CA5A: variants seen among roughly 807,000 people sequenced by gnomAD.
The protein encoded by CA5A is carbonic anhydrase 5A.
CA5A carries 28 observed loss-of-function variants against 37.1 expected under a neutral mutation model. The ratio of observed to expected loss-of-function variants is 0.75; its 90% CI spans 0.56 to 1.03. The LOEUF (loss-of-function observed/expected upper bound fraction) is 1.03. Among genes scored for constraint, CA5A ranks in the 50% least tolerant of loss-of-function variants. The probability of loss-of-function intolerance (pLI) is 0.00; values close to 1 mark genes in which losing one functional copy is unlikely to be tolerated. For synonymous variants in CA5A, 171 were observed against 158.4 expected (o/e 1.08, Z -0.60); for missense variants, 444 against 399.9 (o/e 1.11, Z -0.94).
At chr16:87,912,447 A>AAT (rs1343833996) in intron 2 of CA5A, among the ~76,000 whole-genome samples, 1 of 152,246 alleles carries the variant, frequency 6.6e-6, no homozygotes, top group Non-Finnish European at 1.5e-5. Flanking sequence ...TCGAAAGATA[A>AAT]ATATGTCTTA....
At chr16:87,931,647 C>A (rs1199173412) in intron 1 of CA5A, among the ~76,000 whole-genome samples, 1 of 152,204 alleles carries the variant, frequency 6.6e-6, no homozygotes, top group African/African-American at 2.4e-5. Flanking sequence ...TGCCTTCCCA[C>A]GCATGATAGA....
chr16:87,931,484 G>C (rs796341915), intron 1 of CA5A, among the ~76,000 whole-genome samples: 1 of 152,190 alleles, frequency 6.6e-6, no homozygotes, highest in African/African-American at 2.4e-5. Context: ...AACCCTGGCG[G>C]CTCTCCCCAC....
rs1174654994 is a variant in CA5A at position 87,928,771 on chromosome 16, T to G, written c.143-1826A>C. ...ATTTTCTTTTCTTTGTTTTTTTTTTTTTTTTTTTTTTTTTTGAGACGGAGT... is the reference window on the plus strand; with the variant it reads ...ATTTTCTTTTCTTTGTTTTTTTTTTGTTTTTTTTTTTTTTTGAGACGGAGT... On this transcript the variant is annotated intron_variant, in intron 1 of 6. Coordinates refer to ENST00000649794, the MANE Select transcript of CA5A (RefSeq NM_001739.2). 4.5e-5 allele frequency among the ~76,000 whole-genome samples: 6 copies of G among 134,616 alleles called. No individual in the cohort carries two copies. The South Asian group carries it at 1.3e-3, about 29-fold the overall frequency. 88.3% of individuals were successfully genotyped at this position (134,616 alleles called of 152,430 possible). A position where few individuals can be genotyped will look rare whatever the true frequency, so the allele number is the denominator to read the frequency against.
chr16:87,929,658 G>A (rs1268178442), intron 1 of CA5A, among the ~76,000 whole-genome samples: 3 of 151,616 alleles, frequency 2.0e-5, no homozygotes, highest in South Asian at 2.1e-4. Context: ...GGATCACGAG[G>A]TCAGGAGATC....
At chr16:87,907,263 A>G (rs1597561241) in intron 2 of CA5A, among the ~76,000 whole-genome samples, 1 of 152,098 alleles carries the variant, frequency 6.6e-6, no homozygotes, top group Non-Finnish European at 1.5e-5. Context: ...CCTCCAAAAC[A>G]CAATCTAAGG....
chr16:87,924,375 T>C (rs890112344), intron 2 of CA5A: 1 of 949,432 alleles, frequency 1.1e-6, no homozygotes, highest in Non-Finnish European at 1.3e-6. Context: ...GACCAAGCCG[T>C]GGTGTTTGCG....
intron 5 of CA5A, among the ~76,000 whole-genome samples, chr16:87,896,744 G>A (rs1451884902): frequency 2.0e-5 from 3 of 152,196 alleles, no homozygotes; most frequent in South Asian, 2.1e-4. Context: ...AGGTTCAAGC[G>A]ATTCTCCTGC....
At chr16:87,891,580 C>T (rs1319543150) in intron 6 of CA5A, among the ~76,000 whole-genome samples, 1 of 152,192 alleles carries the variant, frequency 6.6e-6, no homozygotes. Context: ...TAGATTAGGG[C>T]GTTGCTCAGG....
chr16:87,928,672 T>A (rs1292930352), intron 1 of CA5A, among the ~76,000 whole-genome samples: 5 of 152,036 alleles, frequency 3.3e-5, no homozygotes, highest in African/African-American at 1.2e-4. Context: ...GATATTTAGG[T>A]TATTTCCAAC....
rs904564761 is a variant in CA5A at position 87,936,504 on chromosome 16, C to A, written c.-54G>T. 11 of 1,605,004 alleles carry A rather than the reference C, an allele frequency of 6.9e-6. No individual in the cohort carries two copies. Among genetic ancestry groups the A allele is most frequent in the Non-Finnish European group, 9.4e-6 (11 of 1,176,020 alleles). ...TGAAGAGGGTGATGTTCCCTGCTGT[C>A]TGTTCTCACTTTGATCAGGACCACT... On this transcript the variant is annotated 5_prime_UTR_variant, in exon 1 of 7. Coordinates refer to ENST00000649794, the MANE Select transcript of CA5A (RefSeq NM_001739.2).
intron 2 of CA5A, among the ~76,000 whole-genome samples, chr16:87,909,245 G>A (rs1042630191): frequency 2.6e-5 from 4 of 152,146 alleles, no homozygotes; most frequent in East Asian, 1.9e-4. Context: ...GGGGAACCAT[G>A]GGGCCCTCGG....
downstream of CA5A, chr16:87,887,911 G>A (rs1223831953): frequency 1.3e-5 from 7 of 557,150 alleles, no homozygotes; most frequent in Middle Eastern, 5.1e-4. Context: ...CTGCACTTGC[G>A]TTGGGTGCCA....
At chr16:87,886,046 C>A (rs1371078233), downstream of CA5A, 3 of 151,896 alleles carry the variant, frequency 2.0e-5, no homozygotes, top group Admixed American at 6.6e-5. Context: ...AGTGGTAGCT[C>A]TCTTTCCTCC....
chr16:87,907,180 T>A (rs1432653652), intron 2 of CA5A, among the ~76,000 whole-genome samples: 1 of 152,072 alleles, frequency 6.6e-6, no homozygotes, highest in East Asian at 1.9e-4. Flanking sequence ...ATTGCGCCAA[T>A]GCACTTCAGC....
At chr16:87,903,147 C>T (rs1332626959) in intron 3 of CA5A, among the ~76,000 whole-genome samples, 1 of 151,470 alleles carries the variant, frequency 6.6e-6, no homozygotes, top group African/African-American at 2.4e-5. Context: ...GAAACTCAGG[C>T]CTCGGCTGGG....
At chr16:87,925,659 G>C (rs2056295553) in intron 2 of CA5A, 1 of 152,202 alleles carries the variant, frequency 6.6e-6, no homozygotes, top group Non-Finnish European at 1.5e-5. Context: ...GGCATAGAGA[G>C]AACCTTCCCA....
At chr16:87,904,934 T>C (rs2055937892) in intron 2 of CA5A, 30 bp from the exon 3 acceptor site, 1 of 1,417,446 alleles carries the variant, frequency 7.1e-7, no homozygotes, top group Non-Finnish European at 1.0e-6. Context: ...GACGTGTGTG[T>C]CATTTTGTCT....
downstream of CA5A, chr16:87,887,196 C>T (rs2055655533): frequency 6.6e-6 from 1 of 152,226 alleles, no homozygotes; most frequent in Admixed American, 6.5e-5. Context: ...AGCCACTGCA[C>T]CTGGCCTACT....
intron 2 of CA5A, among the ~76,000 whole-genome samples, chr16:87,926,525 G>A (rs1729596487): frequency 6.6e-6 from 1 of 152,212 alleles, no homozygotes; most frequent in South Asian, 2.1e-4. Context: ...GCAGGTGCCG[G>A]CGGTATTCTC....
Sources: gnomAD v4.1 joint callset for allele counts (sites outside exome capture counted in the v4.1 genomes callset) on GRCh38, gnomAD v4.1.1 for gene constraint, MANE v1.5 for transcripts, NCBI Gene and HGNC (gene_info 2026-07-23, HGNC 2026-07-21) for gene names.